SNX24: variants seen among roughly 807,000 people sequenced by gnomAD.
SNX24 encodes the protein sorting nexin 24, also known as sorting nexin-24.
Under a neutral mutation model 28.7 loss-of-function variants are expected in SNX24, and 22 were observed. That is an observed-to-expected ratio of 0.77 (90% confidence interval 0.55 to 1.10). The LOEUF (loss-of-function observed/expected upper bound fraction) is 1.10. Among genes scored for constraint, SNX24 ranks in the 50% least tolerant of loss-of-function variants. SNX24 has a pLI of 0.00. For synonymous variants in SNX24, 69 were observed against 71.5 expected (o/e 0.96, Z 0.18); for missense variants, 221 against 201.1 (o/e 1.10, Z -0.60).
intron 3 of SNX24, among the ~76,000 whole-genome samples, chr5:122,979,671 T>C (rs988621431): frequency 6.6e-6 from 1 of 152,210 alleles, no homozygotes. Context: ...AGAATACTAA[T>C]TTTAAGCATG....
intron 1 of SNX24, among the ~76,000 whole-genome samples, chr5:122,870,668 C>T (rs562214594): frequency 2.0e-5 from 3 of 152,132 alleles, no homozygotes; most frequent in Non-Finnish European, 4.4e-5. Context: ...AGGAATGATT[C>T]TTTAGGACAG....
intron 1 of SNX24, among the ~76,000 whole-genome samples, chr5:122,918,980 T>C (rs890528906): frequency 2.0e-5 from 3 of 152,218 alleles, no homozygotes; most frequent in East Asian, 1.9e-4. Flanking sequence ...ATGCTCTTAG[T>C]GCAATTACAA....
chr5:122,857,758 G>A (rs1300405018), intron 1 of SNX24, among the ~76,000 whole-genome samples: 1 of 152,114 alleles, frequency 6.6e-6, no homozygotes, highest in African/African-American at 2.4e-5. Context: ...TTTTATGGCT[G>A]CATAATATTC....
rs528296617 is a variant in SNX24, at chr5:122,917,897, G to A, written c.61-18837G>A. ...AGATCTAGACCATCCTGGCTAACAC[G>A]GTGAAACCCCGTCTCTACTAAAAAT... On this transcript the variant is annotated intron_variant, in intron 1 of 6. Transcript: ENST00000261369. Among the ~76,000 whole-genome samples the A allele has an allele frequency of 8.0e-4, 122 of 152,026 alleles. No individual in the cohort carries two copies. In the South Asian group the frequency reaches 0.011, roughly 13 times the overall value.
intron 3 of SNX24, among the ~76,000 whole-genome samples, chr5:122,963,474 A>G (rs181757298): frequency 5.3e-4 from 81 of 152,328 alleles, no homozygotes; most frequent in Admixed American, 2.9e-3. Context: ...CTTAAAAGGT[A>G]GATGGTTTTA....
chr5:122,845,670 AG>A lies in SNX24; in HGVS notation c.38del (p.Ser13ThrfsTer12). On this transcript the variant is annotated frameshift_variant, in exon 1 of 7. Transcript: ENST00000261369. LOFTEE classifies it high-confidence loss of function. Reference sequence around the variant, plus strand: ...CATCCCGTCCTTTCGCTATGAAGAGAGCGACCTGGAGCGGGGATACACGGTA... The same window carrying A: ...CATCCCGTCCTTTCGCTATGAAGAGACGACCTGGAGCGGGGATACACGGTA... Reference protein sequence around the residue: ...VYIPSFRYEESDLERGYTVFK... With the variant: ...VYIPSFRYEEXDLERGYTVFK... The A allele has an allele frequency of 1.4e-6, 2 of 1,423,322 alleles. No homozygotes were observed. Among genetic ancestry groups the A allele is most frequent in the Non-Finnish European group, 1.9e-6 (2 of 1,079,570 alleles). 88.2% of individuals were successfully genotyped at this position (1,423,322 alleles called of 1,614,324 possible).
At chr5:122,889,595 GTATA>G (rs1208452765) in intron 1 of SNX24, among the ~76,000 whole-genome samples, 1 of 129,344 alleles carries the variant, frequency 7.7e-6, no homozygotes, top group East Asian at 2.3e-4. Flanking sequence ...CCGTGTATGT[GTATA>G]TATATATACA....
At position 122,968,148 on chromosome 5, in the gene SNX24, G is replaced by A. The variant is rs562738019; in HGVS notation, c.249+21989G>A. ...GCAGGCAGATCACCTGAGGTCAGGA[G>A]TTCAAAACCAACATGGTGAAACTCC... On this transcript the variant is annotated intron_variant, in intron 3 of 6. Coordinates refer to ENST00000261369, the MANE Select transcript of SNX24 (RefSeq NM_014035.4). 2.8e-4 allele frequency among the ~76,000 whole-genome samples: 43 copies of A among 152,274 alleles called. 1 individual carries two copies. The highest frequency in any genetic ancestry group is 9.6e-4 in the African/African-American group (40 of 41,568).
chr5:122,859,307 CA>C lies in SNX24; in HGVS notation c.60+13616del, dbSNP rs768677971. On this transcript the variant is annotated intron_variant, in intron 1 of 6. Coordinates refer to ENST00000261369, the MANE Select transcript of SNX24 (RefSeq NM_014035.4). ...ACAACATATGGAGATCCTGTTCCCC[CA>C]ACAAAATAAATTTGTCTGGGTGTGG... Among the ~76,000 whole-genome samples, 28 of 152,110 alleles carry C rather than the reference CA, an allele frequency of 1.8e-4. No homozygotes were observed. The South Asian group carries it at 5.6e-3, about 30-fold the overall frequency.
chr5:122,963,067 C>G (rs974039517), intron 3 of SNX24, among the ~76,000 whole-genome samples: 15 of 152,144 alleles, frequency 9.9e-5, no homozygotes, highest in African/African-American at 3.6e-4. Flanking sequence ...AACCTCGTCT[C>G]TGCTAAAAAT....
At position 122,848,137 on chromosome 5, in the gene SNX24, CT is replaced by C. The variant is rs1334823449; in HGVS notation, c.60+2445del. Among the ~76,000 whole-genome samples the C allele has an allele frequency of 4.6e-5, 7 of 152,290 alleles. No homozygotes were observed. The East Asian group carries it at 1.4e-3, about 29-fold the overall frequency. ...TGTTTTTAAGAGCTAGGATCTTGCT[CT>C]GTCACCCAGGCTGGAGTGCAGTGGC... On this transcript the variant is annotated intron_variant, in intron 1 of 6. Transcript: ENST00000261369.
intron 3 of SNX24, among the ~76,000 whole-genome samples, chr5:122,980,841 A>C (rs999060979): frequency 1.3e-5 from 2 of 152,046 alleles, no homozygotes; most frequent in Non-Finnish European, 2.9e-5. Flanking sequence ...GTTGAAAAGA[A>C]AGAAGACCTT....
intron 1 of SNX24, among the ~76,000 whole-genome samples, chr5:122,876,113 A>G (rs257816): frequency 0.78 from 118,370 of 152,252 alleles, 47,051 homozygotes; most frequent in East Asian, 0.99. Context: ...CCAAAGTGCT[A>G]GGATTACAGG....
intron 5 of SNX24, among the ~76,000 whole-genome samples, chr5:123,018,104 G>A (rs1012177658): frequency 6.6e-6 from 1 of 151,990 alleles, no homozygotes; most frequent in East Asian, 1.9e-4. Context: ...AGCATCTGGA[G>A]ATGGCTTCCC....
At chr5:122,976,713 A>C (rs1436875998) in intron 3 of SNX24, among the ~76,000 whole-genome samples, 1 of 152,220 alleles carries the variant, frequency 6.6e-6, no homozygotes, top group African/African-American at 2.4e-5. Flanking sequence ...TGATTGAGCA[A>C]AGATTACACT....
At chr5:123,000,282 T>A (rs2150175377) in intron 4 of SNX24, among the ~76,000 whole-genome samples, 1 of 152,374 alleles carries the variant, frequency 6.6e-6, no homozygotes, top group Non-Finnish European at 1.5e-5. Flanking sequence ...ATGATGTTAC[T>A]TGATGGGAAT....
intron 1 of SNX24, among the ~76,000 whole-genome samples, chr5:122,916,938 C>T (rs1758197154): frequency 1.3e-5 from 2 of 152,090 alleles, no homozygotes; most frequent in Non-Finnish European, 2.9e-5. Flanking sequence ...ATCTAGAAAA[C>T]CTCACTACAT....
At chr5:122,939,539 A>G (rs1759347123) in intron 2 of SNX24, among the ~76,000 whole-genome samples, 1 of 152,156 alleles carries the variant, frequency 6.6e-6, no homozygotes, top group African/African-American at 2.4e-5. Context: ...AATGTATGCA[A>G]GTTTTAAATT....
intron 1 of SNX24, among the ~76,000 whole-genome samples, chr5:122,868,892 A>G (rs1755847966): frequency 6.6e-6 from 1 of 152,196 alleles, no homozygotes. Context: ...AGACACATAA[A>G]ATTAATTATT....
Sources: allele counts gnomAD v4.1 joint callset (sites outside exome capture counted in the v4.1 genomes callset), GRCh38; gene constraint gnomAD v4.1.1; transcripts MANE v1.5; gene names NCBI Gene and HGNC (gene_info 2026-07-23, HGNC 2026-07-21).